LRRC4C: variants seen among roughly 807,000 people sequenced by gnomAD.
The protein encoded by LRRC4C is leucine rich repeat containing 4C.
Under a neutral mutation model 33.6 loss-of-function variants are expected in LRRC4C, and 5 were observed. That is an observed-to-expected ratio of 0.15 (90% CI 0.08 to 0.31). LRRC4C has a LOEUF of 0.31. Among genes scored for constraint, LRRC4C ranks in the 10% least tolerant of loss-of-function variants. LRRC4C has a pLI of 1.00. For synonymous variants in LRRC4C, 329 were observed against 302.0 expected, an observed-to-expected ratio of 1.09 and a Z score of -0.93; for missense variants, 560 against 796.7, an observed-to-expected ratio of 0.70 and a Z score of 3.58.
chr11:40,158,235 T>C (rs1858865642), intron 5 of LRRC4C, among the ~76,000 whole-genome samples: 1 of 151,998 alleles, frequency 6.6e-6, no homozygotes, highest in African/African-American at 2.4e-5. Flanking sequence ...GGCATAAAAA[T>C]GATACAGTGG....
At chr11:40,493,329 CT>C (rs1293694158) in intron 3 of LRRC4C, among the ~76,000 whole-genome samples, 1 of 151,916 alleles carries the variant, frequency 6.6e-6, no homozygotes, top group Non-Finnish European at 1.5e-5. Flanking sequence ...CAAAATATAC[CT>C]GTGTAATCTA....
chr11:41,355,248 A>G (rs562760429), intron 1 of LRRC4C, among the ~76,000 whole-genome samples: 1 of 152,098 alleles, frequency 6.6e-6, no homozygotes. Context: ...TGAGAAAAAA[A>G]TAACTATCAA....
At chr11:41,135,003 A>G (rs1008426980) in intron 1 of LRRC4C, among the ~76,000 whole-genome samples, 1 of 152,136 alleles carries the variant, frequency 6.6e-6, no homozygotes, top group African/African-American at 2.4e-5. Context: ...AAGTCAATAA[A>G]CTACTGTCTC....
intron 1 of LRRC4C, among the ~76,000 whole-genome samples, chr11:40,972,388 C>T (rs557205741): frequency 9.2e-5 from 14 of 152,124 alleles, no homozygotes; most frequent in Admixed American, 3.9e-4. Flanking sequence ...CTTCCCACCT[C>T]GGCTTCCCAA....
chr11:41,279,727 C>A (rs1447577347), intron 1 of LRRC4C, among the ~76,000 whole-genome samples: 1 of 152,124 alleles, frequency 6.6e-6, no homozygotes, highest in African/African-American at 2.4e-5. Flanking sequence ...TGACTCCATG[C>A]ATTGATGTCC....
chr11:41,300,672 T>C (rs1950260029), intron 1 of LRRC4C, among the ~76,000 whole-genome samples: 1 of 152,208 alleles, frequency 6.6e-6, no homozygotes. Context: ...TTTTATGTTC[T>C]CCTGACACCT....
chr11:41,000,564 T>C (rs1475162686), intron 1 of LRRC4C, among the ~76,000 whole-genome samples: 2 of 152,178 alleles, frequency 1.3e-5, no homozygotes, highest in Non-Finnish European at 1.5e-5. Flanking sequence ...ATTATTTTCC[T>C]AGTTCCCTTG....
At chr11:40,666,886 C>T (rs1485109401) in intron 2 of LRRC4C, among the ~76,000 whole-genome samples, 1 of 152,090 alleles carries the variant, frequency 6.6e-6, no homozygotes, top group African/African-American at 2.4e-5. Context: ...TGAGGTCCCT[C>T]CAAATATTTG....
chr11:40,180,363 A>G (rs1269050337), intron 5 of LRRC4C, among the ~76,000 whole-genome samples: 3 of 152,224 alleles, frequency 2.0e-5, no homozygotes, highest in African/African-American at 7.2e-5. Context: ...TCAGCAATTT[A>G]TACCTTTAGT....
intron 3 of LRRC4C, among the ~76,000 whole-genome samples, chr11:40,354,586 C>A (rs1947570471): frequency 6.6e-6 from 1 of 152,194 alleles, no homozygotes; most frequent in Admixed American, 6.5e-5. Context: ...CTCCCTTCTT[C>A]AAGCAGGAGT....
At chr11:40,304,476 T>C (rs1206714219) in intron 4 of LRRC4C, among the ~76,000 whole-genome samples, 1 of 151,760 alleles carries the variant, frequency 6.6e-6, no homozygotes, top group Admixed American at 6.6e-5. Context: ...ACTGAAAGAG[T>C]TTGGGGTTTT....
chr11:40,673,433 C>T (rs1279325426), intron 2 of LRRC4C, among the ~76,000 whole-genome samples: 2 of 152,076 alleles, frequency 1.3e-5, no homozygotes, highest in East Asian at 1.9e-4. Context: ...CATAAGGCAA[C>T]AGCAACACAT....
intron 1 of LRRC4C, among the ~76,000 whole-genome samples, chr11:41,387,899 C>G (rs1381300223): frequency 6.6e-6 from 1 of 151,734 alleles, no homozygotes; most frequent in East Asian, 1.9e-4. Context: ...CTTTTCTAAT[C>G]ACAGTGCAAG....
rs116532442 is a variant in LRRC4C, at chr11:41,268,793, A to G, written c.-496+190638T>C. 7.5e-3 allele frequency among the ~76,000 whole-genome samples: 1,137 copies of G among 152,162 alleles called. 12 individuals are homozygous for G. Among genetic ancestry groups the G allele is most frequent in the African/African-American group, 0.025 (1,046 of 41,524 alleles). On this transcript the variant is annotated intron_variant, in intron 1 of 6. Coordinates refer to ENST00000528697, the MANE Select transcript of LRRC4C (RefSeq NM_001258419.2). The stretch of plus-strand genomic sequence containing the variant: ...CCTCAGTGCTTGATGCTGGTAGTAA[A>G]CAGATCTCTCTGTACTTTGAAAAAA...
chr11:40,649,477 T>C (rs1942657243), intron 2 of LRRC4C, among the ~76,000 whole-genome samples: 1 of 152,168 alleles, frequency 6.6e-6, no homozygotes, highest in African/African-American at 2.4e-5. Context: ...ACCATATGGT[T>C]GTCTCCCCTT....
rs142699257 is a variant in LRRC4C, at chr11:41,325,674, A to AAAC, written c.-496+133754_-496+133756dup. Among the ~76,000 whole-genome samples, 592 of 150,492 alleles carry AAAC rather than the reference A, an allele frequency of 3.9e-3. 6 individuals carry two copies. Among genetic ancestry groups the AAAC allele is most frequent in the African/African-American group, 9.4e-3 (385 of 40,840 alleles). On this transcript the variant is annotated intron_variant, in intron 1 of 6. Coordinates refer to ENST00000528697, the MANE Select transcript of LRRC4C (RefSeq NM_001258419.2). ...ATGCATTTTTAGATCTTCACTGCAA[A>AAAC]AACAACAACAACAACAACAACAACA...
intron 3 of LRRC4C, among the ~76,000 whole-genome samples, chr11:40,486,917 ATCTG>A (rs1342170266): frequency 6.6e-6 from 1 of 152,058 alleles, no homozygotes; most frequent in East Asian, 1.9e-4. Context: ...GGCATCGGTT[ATCTG>A]TCTAACCAAT....
At chr11:40,766,353 T>TAAAAAAAAAAAAAAA (rs60152534) in intron 2 of LRRC4C, among the ~76,000 whole-genome samples, 1 of 33,916 alleles carries the variant, frequency 2.9e-5, no homozygotes, top group East Asian at 1.2e-3. Context: ...TTCAGTCTGT[T>TAAAAAAAAAAAAAAA]AAAAAAAAAA....
intron 3 of LRRC4C, among the ~76,000 whole-genome samples, chr11:40,365,470 G>T (rs1012671814): frequency 2.0e-5 from 3 of 151,832 alleles, no homozygotes; most frequent in South Asian, 2.1e-4. Context: ...AGTTCTGCCG[G>T]TTTTTTTACC....
Sources: allele counts gnomAD v4.1 joint callset (sites outside exome capture counted in the v4.1 genomes callset), GRCh38; gene constraint gnomAD v4.1.1; transcripts MANE v1.5; gene names NCBI Gene and HGNC (gene_info 2026-07-23, HGNC 2026-07-21).